Variants in SMCHD1 observed in about 807,000 individuals in gnomAD.
SMCHD1 encodes the protein structural maintenance of chromosomes flexible hinge domain-containing protein 1.
SMCHD1 carries 78 observed loss-of-function variants against 254.7 expected under a neutral mutation model. The observed-to-expected ratio is 0.31, with a 90% CI of 0.26 to 0.37. The LOEUF (loss-of-function observed/expected upper bound fraction) is 0.37. Among genes scored for constraint, SMCHD1 ranks in the 10% least tolerant of loss-of-function variants. SMCHD1 has a pLI of 1.00. For synonymous variants in SMCHD1, 766 were observed against 794.9 expected (o/e 0.96, Z 0.61); for missense variants, 1,840 against 2,408.1 (o/e 0.76, Z 4.94).
At chr18:2,703,663 A>G (rs771408581) in intron 12 of SMCHD1, 29 bp from the exon 13 acceptor site, 3 of 1,569,940 alleles carry the variant, frequency 1.9e-6, no homozygotes, top group South Asian at 2.3e-5. Flanking sequence ...TAGTAGCTAT[A>G]TTTCATAAAA....
chr18:2,697,067 G>A lies in SMCHD1; in HGVS notation c.1076G>A (p.Gly359Glu). The A allele has an allele frequency of 6.6e-7, 1 of 1,505,390 alleles. No individual in the cohort carries two copies. The highest frequency in any genetic ancestry group is 1.4e-5 in the African/African-American group (1 of 71,268). The allele number at this position is 1,505,390 out of a possible 1,614,324, so 93.3% of individuals were successfully genotyped here. ...CACTACTATATTCATGGCCCAAAAG[G>A]AAATGAAATACGAACATCAAAAGAA... ...IYHYYIHGPKGNEIRTSKEVE... is the reference protein window; with the variant it reads ...IYHYYIHGPKENEIRTSKEVE... Residue 359 changes from glycine (G) to glutamate (E), a missense_variant, in exon 9 of 48, where the codon GGA (glycine) becomes GAA (glutamate). Coordinates refer to ENST00000320876, the MANE Select transcript of SMCHD1 (RefSeq NM_015295.3).
In SMCHD1 at chr18:2,691,491, A is replaced by G. The variant is rs117052152; in HGVS notation, c.873+2744A>G. On this transcript the variant is annotated intron_variant, in intron 7 of 47. Transcript: ENST00000320876. ...AATTGGTGGTTCTTGTTCTATAGTC[A>G]ACAGTCTTACCTTTTCTAAAGATGT... is the stretch of plus-strand genomic sequence containing the variant. Among the ~76,000 whole-genome samples, 312 of 152,294 alleles carry G rather than the reference A, an allele frequency of 2.0e-3. 3 individuals carry two copies. The highest frequency in any genetic ancestry group is 0.02 in the South Asian group (95 of 4,822).
chr18:2,674,765 A>G (rs1226427631), intron 5 of SMCHD1, among the ~76,000 whole-genome samples: 1 of 152,246 alleles, frequency 6.6e-6, no homozygotes, highest in Non-Finnish European at 1.5e-5. Context: ...TCTACTTCTA[A>G]CAACATACTT....
chr18:2,731,528 T>C (rs2075139867), intron 24 of SMCHD1, among the ~76,000 whole-genome samples: 1 of 152,178 alleles, frequency 6.6e-6, no homozygotes, highest in African/African-American at 2.4e-5. Flanking sequence ...GTGTTATGAA[T>C]TGAAAAAATA....
At chr18:2,660,128 AGCT>A (rs1376397042) in intron 1 of SMCHD1, among the ~76,000 whole-genome samples, 1 of 152,144 alleles carries the variant, frequency 6.6e-6, no homozygotes, top group African/African-American at 2.4e-5. Context: ...GTTAGAGATC[AGCT>A]TGGCCAACAT....
intron 17 of SMCHD1, among the ~76,000 whole-genome samples, chr18:2,712,691 C>T (rs967459020): frequency 2.5e-4 from 38 of 152,172 alleles, no homozygotes; most frequent in African/African-American, 8.4e-4. Context: ...TCATCATGGT[C>T]TCTCATTCTA....
At chr18:2,708,078 C>T (rs950215395) in intron 17 of SMCHD1, among the ~76,000 whole-genome samples, 158 bp downstream of exon 17, 4 of 151,646 alleles carry the variant, frequency 2.6e-5, no homozygotes, top group Non-Finnish European at 4.4e-5. Context: ...AGCTCATTTT[C>T]TTGGTGGATA....
chr18:2,717,701 T>C (rs1010370514), intron 17 of SMCHD1, among the ~76,000 whole-genome samples: 27 of 152,204 alleles, frequency 1.8e-4, no homozygotes, highest in African/African-American at 6.3e-4. Context: ...TCCAAGTGGG[T>C]AAGGTTGACT....
At chr18:2,780,582 A>G (rs917288512) in intron 44 of SMCHD1, among the ~76,000 whole-genome samples, 2 of 152,220 alleles carry the variant, frequency 1.3e-5, no homozygotes, top group Admixed American at 1.3e-4. Flanking sequence ...TGGTAACCGG[A>G]AGACTCCTGT....
In SMCHD1 at chr18:2,674,216, C is replaced by A. The variant is rs1428996549; in HGVS notation, c.638+71C>A. 3.9e-6 allele frequency: 5 copies of A among 1,287,170 alleles called. No homozygotes were observed. In the East Asian group the frequency reaches 1.0e-4, roughly 26 times the overall value. 79.7% of individuals were successfully genotyped at this position (1,287,170 alleles called of 1,614,324 possible). On this transcript the variant is annotated intron_variant, in intron 5 of 47. Coordinates refer to ENST00000320876, the MANE Select transcript of SMCHD1 (RefSeq NM_015295.3). ...TAGTAAGGATAAAAAACTGGTATGC[C>A]TTTGGATGCATATGATACATTGGAG...
chr18:2,669,271 C>T (rs931371936), intron 3 of SMCHD1, among the ~76,000 whole-genome samples: 1 of 152,012 alleles, frequency 6.6e-6, no homozygotes, highest in African/African-American at 2.4e-5. Flanking sequence ...TTGAGTGAGC[C>T]AAGGAATTCG....
intron 27 of SMCHD1, among the ~76,000 whole-genome samples, chr18:2,739,751 T>G (rs781151364): frequency 6.6e-6 from 1 of 152,124 alleles, no homozygotes; most frequent in Admixed American, 6.6e-5. Flanking sequence ...AAATCTTGTC[T>G]TTTGTTAGAA....
chr18:2,722,377 C>G, intron 19 of SMCHD1, 142 bp from the exon 20 acceptor site: 1 of 694,970 alleles, frequency 1.4e-6, no homozygotes. Context: ...ATAATTTTTG[C>G]GCTGATTTTA....
chr18:2,674,145 G>A lies in SMCHD1; in HGVS notation c.638G>A (p.Ser213Asn). The A allele has an allele frequency of 6.4e-7, 1 of 1,572,828 alleles. No individual in the cohort carries two copies. Among genetic ancestry groups the A allele is most frequent in the Non-Finnish European group, 8.6e-7 (1 of 1,164,538 alleles). The change falls in exon 5 of 48, where the codon AGT becomes AAT. Residue 213 changes from serine (S) to asparagine (N), a missense_variant and splice_region_variant. Ser to Asn is a conservative substitution (Grantham distance 46, BLOSUM62 1). Coordinates refer to ENST00000320876, the MANE Select transcript of SMCHD1 (RefSeq NM_015295.3). The stretch of plus-strand genomic sequence containing the variant: ...TTCACAAGGCAAGGTGACTTTGAAA[G>A]GTTAGAAAACCTTACTTTTTTTTTT... ...SKFTRQGDFESDHSGYVRPVP... is the reference protein window; with the variant it reads ...SKFTRQGDFENDHSGYVRPVP...
chr18:2,796,582 G>T, intron 47 of SMCHD1, 61 bp downstream of exon 47: 1 of 1,113,024 alleles, frequency 9.0e-7, no homozygotes. Flanking sequence ...TGGGTCTCAT[G>T]ATAGCTTTGT....
chr18:2,720,829 C>A (rs768201827), intron 19 of SMCHD1, among the ~76,000 whole-genome samples: 5 of 152,146 alleles, frequency 3.3e-5, no homozygotes, highest in African/African-American at 9.7e-5. Flanking sequence ...GTTACCCATG[C>A]TGGCCTTGAA....
At chr18:2,778,035 GT>G (rs1412861522) in intron 43 of SMCHD1, 120 bp downstream of exon 43, 10 of 998,038 alleles carry the variant, frequency 1.0e-5, no homozygotes, top group South Asian at 1.8e-5. Flanking sequence ...AGTTTTATCA[GT>G]TTTTTTAGAG....
chr18:2,697,749 T>C lies in SMCHD1; in HGVS notation c.1132-82T>C, dbSNP rs2074314640. 3.5e-6 allele frequency: 3 copies of C among 860,334 alleles called. No individual in the cohort carries two copies. In the South Asian group the frequency reaches 4.8e-5, roughly 14 times the overall value. 53.3% of individuals were successfully genotyped at this position (860,334 alleles called of 1,614,324 possible). On this transcript the variant is annotated intron_variant, in intron 9 of 47. Transcript: ENST00000320876. The stretch of plus-strand genomic sequence containing the variant: ...TTGTACAAATAAACATAATTTTTAC[T>C]TATTCTGTTGTTGAATCATAGCTGA...
chr18:2,703,091 C>G (rs1003632966), intron 12 of SMCHD1, among the ~76,000 whole-genome samples: 4 of 152,138 alleles, frequency 2.6e-5, no homozygotes, highest in Non-Finnish European at 4.4e-5. Context: ...TTTGGATAGG[C>G]TCTATATATA....
Sources: gnomAD v4.1 joint callset for allele counts (sites outside exome capture counted in the v4.1 genomes callset) on GRCh38, gnomAD v4.1.1 for gene constraint, MANE v1.5 for transcripts, NCBI Gene and HGNC (gene_info 2026-07-23, HGNC 2026-07-21) for gene names.